Variants in OPCML observed in about 807,000 individuals in gnomAD.
The protein encoded by OPCML is opioid binding protein/cell adhesion molecule like.
A neutral mutation model predicts 37.8 loss-of-function variants in OPCML; 13 were observed. That is an observed-to-expected ratio of 0.34 (90% CI 0.22 to 0.55). The LOEUF is 0.55. Ranked by LOEUF, OPCML falls within the 20% of genes least tolerant of loss-of-function variation. The probability of loss-of-function intolerance (pLI) is 0.91; values close to 1 mark genes in which losing one functional copy is unlikely to be tolerated. For missense variants in OPCML, 341 were observed against 435.6 expected (o/e 0.78, Z 1.93); for synonymous variants, 176 against 168.8 (o/e 1.04, Z -0.33).
chr11:133,331,580 G>C (rs1943620628), intron 1 of OPCML, among the ~76,000 whole-genome samples: 1 of 152,088 alleles, frequency 6.6e-6, no homozygotes, highest in Admixed American at 6.6e-5. Flanking sequence ...TTTATGCTGT[G>C]GGTTTAGCCT....
intron 1 of OPCML, among the ~76,000 whole-genome samples, chr11:133,050,401 A>C (rs1251030004): frequency 6.6e-6 from 1 of 152,234 alleles, no homozygotes; most frequent in Non-Finnish European, 1.5e-5. Context: ...TGAGCAAATT[A>C]TTTCTACCCA....
intron 2 of OPCML, among the ~76,000 whole-genome samples, chr11:132,872,897 C>A (rs924815989): frequency 3.3e-5 from 5 of 151,768 alleles, no homozygotes; most frequent in African/African-American, 7.3e-5. Context: ...ATGAATACTT[C>A]TCTGTTTCAA....
At chr11:133,487,359 C>T (rs1045008499) in intron 1 of OPCML, among the ~76,000 whole-genome samples, 3 of 152,064 alleles carry the variant, frequency 2.0e-5, no homozygotes, top group African/African-American at 7.2e-5. Context: ...CACCTTAGGG[C>T]TTGTGTCCTG....
chr11:133,210,375 C>T (rs539747605), intron 1 of OPCML, among the ~76,000 whole-genome samples: 21 of 152,270 alleles, frequency 1.4e-4, no homozygotes, highest in Non-Finnish European at 1.8e-4. Context: ...GCACTATCCC[C>T]TCTTTCTCCC....
At chr11:133,305,242 C>T (rs376839279) in intron 1 of OPCML, among the ~76,000 whole-genome samples, 1 of 152,158 alleles carries the variant, frequency 6.6e-6, no homozygotes, top group East Asian at 1.9e-4. Flanking sequence ...GTAATGAACA[C>T]TTATTATTAT....
intron 1 of OPCML, among the ~76,000 whole-genome samples, chr11:133,156,381 A>G (rs1376103675): frequency 6.6e-6 from 1 of 152,106 alleles, no homozygotes; most frequent in Non-Finnish European, 1.5e-5. Context: ...TAGGTGACTC[A>G]GTTTTACCGC....
chr11:132,568,249 T>C (rs73588951), intron 3 of OPCML, among the ~76,000 whole-genome samples: 3,891 of 152,252 alleles, frequency 0.026, 158 homozygotes, highest in African/African-American at 0.089. Context: ...CAAAGTCCCT[T>C]ATACAAGGTT....
rs187590186 is a variant in OPCML at position 132,699,727 on chromosome 11, T to C, written c.147-42408A>G. Among the ~76,000 whole-genome samples, 525 of 152,232 alleles carry C rather than the reference T, an allele frequency of 3.4e-3. 4 individuals carry two copies. Among genetic ancestry groups the C allele is most frequent in the South Asian group, 0.022 (105 of 4,834 alleles). ...AAGTTATGATGTGTGACTCTTTTAA[T>C]GTGCTATAAATTCAGTTGGCTAATA... On this transcript the variant is annotated intron_variant, in intron 2 of 7. Transcript: ENST00000524381.
At chr11:133,464,287 C>T (rs1441753277) in intron 1 of OPCML, among the ~76,000 whole-genome samples, 2 of 151,836 alleles carry the variant, frequency 1.3e-5, no homozygotes, top group Non-Finnish European at 2.9e-5. Flanking sequence ...AGTCAGTCCA[C>T]ATCCACTCGC....
At chr11:132,596,793 C>T (rs950801758) in intron 3 of OPCML, among the ~76,000 whole-genome samples, 1 of 152,142 alleles carries the variant, frequency 6.6e-6, no homozygotes, top group South Asian at 2.1e-4. Flanking sequence ...AAAAGTAGAG[C>T]AAAATGGAGC....
At chr11:132,459,785 G>T (rs75428165) in intron 4 of OPCML, among the ~76,000 whole-genome samples, 15,202 of 152,038 alleles carry the variant, frequency 0.1, 2,181 homozygotes, top group African/African-American at 0.32. Context: ...AATCTCATCA[G>T]AAATGTCTTT....
intron 1 of OPCML, among the ~76,000 whole-genome samples, chr11:133,097,124 T>C (rs141150437): frequency 2.6e-5 from 4 of 152,246 alleles, no homozygotes; most frequent in Admixed American, 6.5e-5. Flanking sequence ...TGTGGAACAT[T>C]TATCAAGACA....
chr11:133,479,867 G>A (rs1042145271), intron 1 of OPCML, among the ~76,000 whole-genome samples: 5 of 152,170 alleles, frequency 3.3e-5, no homozygotes, highest in Non-Finnish European at 5.9e-5. Context: ...CTCCACCCAC[G>A]ATGCTAAGGC....
intron 4 of OPCML, among the ~76,000 whole-genome samples, chr11:132,455,782 C>CATTCATTT (rs923142593): frequency 2.0e-5 from 3 of 152,108 alleles, no homozygotes; most frequent in Non-Finnish European, 4.4e-5. Flanking sequence ...TTCATTCATT[C>CATTCATTT]ATTCATTCAT....
At chr11:133,011,018 G>T (rs1947202512) in intron 1 of OPCML, among the ~76,000 whole-genome samples, 1 of 152,296 alleles carries the variant, frequency 6.6e-6, no homozygotes, top group South Asian at 2.1e-4. Flanking sequence ...AATTTTTTTA[G>T]AAAGATGTAG....
chr11:132,701,777 TG>T (rs1943829297), intron 2 of OPCML, among the ~76,000 whole-genome samples: 1 of 145,800 alleles, frequency 6.9e-6, no homozygotes, highest in African/African-American at 2.8e-5. Context: ...TGTGTGTGTG[TG>T]TGTGTGTGTG....
chr11:133,244,372 C>A (rs1940842994), intron 1 of OPCML, among the ~76,000 whole-genome samples: 1 of 151,922 alleles, frequency 6.6e-6, no homozygotes, highest in Non-Finnish European at 1.5e-5. Flanking sequence ...TGCCAAGCAC[C>A]CCCAAAATGT....
chr11:133,151,229 T>C (rs61176663), intron 1 of OPCML, among the ~76,000 whole-genome samples: 7,251 of 152,028 alleles, frequency 0.048, 198 homozygotes, highest in South Asian at 0.1. Flanking sequence ...GCTGAGATTA[T>C]GCCACTGCAC....
chr11:132,966,357 T>A (rs1946214599), intron 1 of OPCML, among the ~76,000 whole-genome samples: 1 of 152,148 alleles, frequency 6.6e-6, no homozygotes, highest in Non-Finnish European at 1.5e-5. Context: ...TTTATTTCTA[T>A]TTTAGGTTTA....
Sources: allele counts gnomAD v4.1 joint callset (sites outside exome capture counted in the v4.1 genomes callset), GRCh38; gene constraint gnomAD v4.1.1; transcripts MANE v1.5; gene names NCBI Gene and HGNC (gene_info 2026-07-23, HGNC 2026-07-21).